The following XKR7 variants were observed in gnomAD, a reference collection of about 807,000 sequenced individuals.
XKR7 encodes XK related 7.
In XKR7, 11 loss-of-function variants were observed where a neutral mutation model predicts 42.2. The observed-to-expected ratio is 0.26, with a 90% confidence interval of 0.16 to 0.43. XKR7 has a LOEUF of 0.43. XKR7 is among the 20% of genes least tolerant of loss of function. The pLI is 1.00. For missense variants in XKR7, 710 were observed against 802.2 expected (o/e 0.89, Z 1.39); for synonymous variants, 346 against 366.4 (o/e 0.94, Z 0.64).
intron 1 of XKR7, chr20:31,970,216 G>T (rs1004120373): frequency 2.6e-5 from 4 of 152,222 alleles, no homozygotes; most frequent in African/African-American, 9.6e-5. Flanking sequence ...GATGGTGAAA[G>T]ATATTTTTAG....
chr20:32,003,302 C>G lies in XKR7; in HGVS notation c.*5845C>G, dbSNP rs1475946237. 1 of 152,212 alleles carries G rather than the reference C, an allele frequency of 6.6e-6. No homozygotes were observed. The highest frequency in any genetic ancestry group is 6.5e-5 in the Admixed American group (1 of 15,284). 9.4% of individuals were successfully genotyped at this position (152,212 alleles called of 1,614,324 possible). On this transcript the variant is annotated 3_prime_UTR_variant, in exon 3 of 3. Coordinates refer to ENST00000562532, the MANE Select transcript of XKR7 (RefSeq NM_001011718.2). ...GGGGCCCCGAGCTGGGGCCTCTTTA[C>G]TGAGACTCTTTTGTACACCACAAAC...
At chr20:31,981,249 T>G (rs1053172847) in intron 1 of XKR7, among the ~76,000 whole-genome samples, 2 of 151,238 alleles carry the variant, frequency 1.3e-5, no homozygotes, top group Admixed American at 1.3e-4. Context: ...TGCCCACGCC[T>G]GAAGTCCCAG....
intron 1 of XKR7, among the ~76,000 whole-genome samples, chr20:31,990,374 C>T (rs1284272655): frequency 6.6e-6 from 1 of 152,186 alleles, no homozygotes; most frequent in South Asian, 2.1e-4. Context: ...GAAAATAAAG[C>T]TCAGAGAAGT....
rs2064614462 is a variant in XKR7 at position 31,999,531 on chromosome 20, G to A, written c.*2074G>A. ...TGACGGGAGGTGGGAGAAGCCCAAGGCTGACCCAGGCCCACTCTGTTGGGT... is the reference window on the plus strand; with the variant it reads ...TGACGGGAGGTGGGAGAAGCCCAAGACTGACCCAGGCCCACTCTGTTGGGT... On this transcript the variant is annotated 3_prime_UTR_variant, in exon 3 of 3. Coordinates refer to ENST00000562532, the MANE Select transcript of XKR7 (RefSeq NM_001011718.2). The A allele has an allele frequency of 6.6e-6, 1 of 152,182 alleles. No individual in the cohort carries two copies. The highest frequency in any genetic ancestry group is 1.5e-5 in the Non-Finnish European group (1 of 68,046). 9.4% of individuals were successfully genotyped at this position (152,182 alleles called of 1,614,324 possible).
intron 1 of XKR7, among the ~76,000 whole-genome samples, chr20:31,976,347 A>G (rs1414671091): frequency 3.9e-5 from 6 of 152,228 alleles, no homozygotes; most frequent in African/African-American, 1.2e-4. Context: ...TGTATTGTTT[A>G]GAGAAGCAGA....
At chr20:31,983,416 G>A (rs2064522640) in intron 1 of XKR7, among the ~76,000 whole-genome samples, 1 of 152,236 alleles carries the variant, frequency 6.6e-6, no homozygotes, top group Non-Finnish European at 1.5e-5. Context: ...TGGTGAGGGG[G>A]ATGGCTGGGA....
At position 31,997,522 on chromosome 20, in the gene XKR7, C is replaced by A; in HGVS notation, c.*65C>A. On this transcript the variant is annotated 3_prime_UTR_variant, in exon 3 of 3. Transcript: ENST00000562532. Reference sequence around the variant, plus strand: ...TCCCACATCCGCCGCAGTGTTGTGCCCCGAATTTCAGGGCCACCAGGCTAA... The same window carrying A: ...TCCCACATCCGCCGCAGTGTTGTGCACCGAATTTCAGGGCCACCAGGCTAA... 6.9e-7 allele frequency: 1 copy of A among 1,455,786 alleles called. No individual in the cohort carries two copies. Among genetic ancestry groups the A allele is most frequent in the Non-Finnish European group, 9.2e-7 (1 of 1,088,078 alleles). 90.2% of individuals were successfully genotyped at this position (1,455,786 alleles called of 1,614,324 possible).
At chr20:31,985,390 T>C (rs1043606305) in intron 1 of XKR7, among the ~76,000 whole-genome samples, 6 of 151,678 alleles carry the variant, frequency 4.0e-5, no homozygotes, top group Non-Finnish European at 8.8e-5. Flanking sequence ...ATGGAGGAGC[T>C]GAGGATGTGA....
At chr20:31,985,400 A>T (rs759481296) in intron 1 of XKR7, among the ~76,000 whole-genome samples, 1 of 152,112 alleles carries the variant, frequency 6.6e-6, no homozygotes, top group Non-Finnish European at 1.5e-5. Flanking sequence ...TGAGGATGTG[A>T]GAGACACAGA....
At chr20:31,972,145 C>A (rs185122013) in intron 1 of XKR7, among the ~76,000 whole-genome samples, 82 of 152,294 alleles carry the variant, frequency 5.4e-4, no homozygotes, top group Middle Eastern at 3.4e-3. Flanking sequence ...GAGGAGAAAG[C>A]ATACACAGAC....
At chr20:31,984,591 G>T (rs2064528739) in intron 1 of XKR7, among the ~76,000 whole-genome samples, 1 of 152,196 alleles carries the variant, frequency 6.6e-6, no homozygotes, top group African/African-American at 2.4e-5. Context: ...CGAGGAGCTG[G>T]GCTTTCCTGG....
chr20:31,980,060 G>A (rs1164032602), intron 1 of XKR7, among the ~76,000 whole-genome samples: 1 of 150,584 alleles, frequency 6.6e-6, no homozygotes, highest in Non-Finnish European at 1.5e-5. Context: ...GGGTGAGTGG[G>A]ATGGGAGAGG....
intron 1 of XKR7, among the ~76,000 whole-genome samples, chr20:31,982,522 A>C (rs2064518202): frequency 6.6e-6 from 1 of 150,958 alleles, no homozygotes. Flanking sequence ...TCTGTCTCAA[A>C]AAAAAAAAAA....
intron 1 of XKR7, among the ~76,000 whole-genome samples, chr20:31,993,115 C>CACACAT (rs1475091052): frequency 6.7e-6 from 1 of 148,308 alleles, no homozygotes; most frequent in African/African-American, 2.5e-5. Flanking sequence ...CACACACACA[C>CACACAT]ATACACATAC....
chr20:31,977,015 G>A (rs2122254632), intron 1 of XKR7, among the ~76,000 whole-genome samples: 1 of 152,330 alleles, frequency 6.6e-6, no homozygotes, highest in Non-Finnish European at 1.5e-5. Context: ...GTTGAAGCTG[G>A]CATTTGGCAG....
At chr20:31,990,204 G>C (rs1203869341) in intron 1 of XKR7, among the ~76,000 whole-genome samples, 4 of 151,840 alleles carry the variant, frequency 2.6e-5, no homozygotes, top group Admixed American at 6.6e-5. Flanking sequence ...GTGTGTGTGT[G>C]TGTGTGTGTG....
intron 1 of XKR7, among the ~76,000 whole-genome samples, chr20:31,973,005 GACCTTGAC>G (rs1191604510): frequency 6.6e-6 from 1 of 152,196 alleles, no homozygotes; most frequent in Non-Finnish European, 1.5e-5. Context: ...TCTTATATGT[GACCTTGAC>G]AAGGCAAATA....
chr20:31,997,777 T>C lies in XKR7; in HGVS notation c.*320T>C. On this transcript the variant is annotated 3_prime_UTR_variant, in exon 3 of 3. Transcript: ENST00000562532. ...TCTCCCCTGCCTGGCGTTGCCCATGTGTTGCCCCTGCTGGACTTGCCAGAG... is the reference window on the plus strand; with the variant it reads ...TCTCCCCTGCCTGGCGTTGCCCATGCGTTGCCCCTGCTGGACTTGCCAGAG... The C allele has an allele frequency of 3.0e-6, 1 of 337,622 alleles. No individual in the cohort carries two copies. The highest frequency in any genetic ancestry group is 4.8e-5 in the South Asian group (1 of 20,896). 20.9% of individuals were successfully genotyped at this position (337,622 alleles called of 1,614,324 possible).
rs56235886 is a variant in XKR7, at chr20:31,990,179, C to CGTGTGT, written c.585-4859_585-4854dup. Among the ~76,000 whole-genome samples the CGTGTGT allele has an allele frequency of 8.3e-3, 1,200 of 144,234 alleles. 14 individuals are homozygous for CGTGTGT. The highest frequency in any genetic ancestry group is 0.023 in the African/African-American group (909 of 38,794). 94.6% of individuals were successfully genotyped at this position (144,234 alleles called of 152,430 possible). ...TTATAAACTATTTTTAAATTCATTG[C>CGTGTGT]GTGTGTGTGTGTGTGTGTGTGTGTG... On this transcript the variant is annotated intron_variant, in intron 1 of 2. Transcript: ENST00000562532.
Sources: gnomAD v4.1 joint callset for allele counts (sites outside exome capture counted in the v4.1 genomes callset) on GRCh38, gnomAD v4.1.1 for gene constraint, MANE v1.5 for transcripts, NCBI Gene and HGNC (gene_info 2026-07-23, HGNC 2026-07-21) for gene names.